TANC2: variants seen among roughly 807,000 people sequenced by gnomAD.
TANC2 encodes the protein protein TANC2.
TANC2 carries 26 observed loss-of-function variants against 210.5 expected under a neutral mutation model. The ratio of observed to expected loss-of-function variants is 0.12; its 90% CI spans 0.09 to 0.17. TANC2 has a LOEUF of 0.17. Among genes scored for constraint, TANC2 ranks in the 10% least tolerant of loss-of-function variants. The pLI is 1.00. For synonymous variants in TANC2, 931 were observed against 967.1 expected (o/e 0.96, Z 0.69); for missense variants, 2,129 against 2,608.9 (o/e 0.82, Z 4.01).
intron 2 of TANC2, among the ~76,000 whole-genome samples, chr17:63,068,979 A>T (rs991311152): frequency 3.3e-5 from 5 of 152,090 alleles, no homozygotes; most frequent in Admixed American, 1.3e-4. Context: ...TTGGGGAGGG[A>T]TGGAAGAAGG....
At chr17:63,220,723 T>C (rs200710983) in intron 7 of TANC2, among the ~76,000 whole-genome samples, 1 of 138,078 alleles carries the variant, frequency 7.2e-6, no homozygotes, top group African/African-American at 2.9e-5. Context: ...AAAAAAAATA[T>C]ATATATATAT....
At chr17:63,236,246 T>C (rs1194591275) in intron 7 of TANC2, among the ~76,000 whole-genome samples, 1 of 152,080 alleles carries the variant, frequency 6.6e-6, no homozygotes, top group Non-Finnish European at 1.5e-5. Context: ...ATTCTGAAAA[T>C]TTTACCACTA....
chr17:63,287,720 A>C (rs1214847875), intron 9 of TANC2, among the ~76,000 whole-genome samples: 1 of 151,190 alleles, frequency 6.6e-6, no homozygotes, highest in Non-Finnish European at 1.5e-5. Context: ...CTGTCACCCA[A>C]GCTAGAGTGC....
intron 9 of TANC2, among the ~76,000 whole-genome samples, chr17:63,309,388 G>A (rs1254890342): frequency 2.6e-5 from 4 of 151,956 alleles, no homozygotes; most frequent in East Asian, 1.9e-4. Flanking sequence ...CCAAAAAACC[G>A]TATTTTTTTC....
chr17:63,303,763 G>C (rs536626094), intron 9 of TANC2, among the ~76,000 whole-genome samples: 55 of 151,736 alleles, frequency 3.6e-4, no homozygotes, highest in Non-Finnish European at 4.9e-4. Context: ...TTTTTACATA[G>C]TCCCATATTT....
At chr17:63,175,830 A>T (rs529649106) in intron 5 of TANC2, among the ~76,000 whole-genome samples, 59 of 152,096 alleles carry the variant, frequency 3.9e-4, no homozygotes, top group Admixed American at 9.8e-4. Flanking sequence ...AGACAACTGA[A>T]TTTTTTTTGG....
chr17:63,001,557 C>A (rs1364486103), intron 1 of TANC2, among the ~76,000 whole-genome samples: 2 of 112,928 alleles, frequency 1.8e-5, no homozygotes, highest in African/African-American at 6.4e-5. Flanking sequence ...TTCTTTCTTT[C>A]TTTTTTTTTT....
intron 5 of TANC2, among the ~76,000 whole-genome samples, chr17:63,189,677 A>C (rs373099429): frequency 6.6e-6 from 1 of 152,162 alleles, no homozygotes; most frequent in Admixed American, 6.5e-5. Flanking sequence ...CACATGATTC[A>C]CATATATTTT....
At chr17:63,146,022 C>T (rs1181203284) in intron 4 of TANC2, among the ~76,000 whole-genome samples, 2 of 151,962 alleles carry the variant, frequency 1.3e-5, no homozygotes, top group Non-Finnish European at 2.9e-5. Context: ...TAATATTGTC[C>T]CCCAGTCCAT....
intron 11 of TANC2, among the ~76,000 whole-genome samples, chr17:63,330,368 A>G (rs543828101): frequency 2.0e-5 from 3 of 152,362 alleles, no homozygotes; most frequent in African/African-American, 7.2e-5. Context: ...AAGTGGCTAC[A>G]CTTAAACCAT....
exon 28 of TANC2, chr17:63,424,977 G>A (rs1379813057): frequency 3.3e-5 from 5 of 152,180 alleles, no homozygotes; most frequent in Non-Finnish European, 7.4e-5. Flanking sequence ...CCTGAGACAC[G>A]GTTACTTTAT....
At chr17:63,230,581 G>A (rs2042448728) in intron 7 of TANC2, among the ~76,000 whole-genome samples, 1 of 152,144 alleles carries the variant, frequency 6.6e-6, no homozygotes, top group African/African-American at 2.4e-5. Flanking sequence ...TTTCCATGTA[G>A]TTGTGTGGTT....
At chr17:63,047,795 A>C (rs1216101842) in intron 2 of TANC2, among the ~76,000 whole-genome samples, 1 of 152,224 alleles carries the variant, frequency 6.6e-6, no homozygotes, top group Non-Finnish European at 1.5e-5. Flanking sequence ...ATTTGTTAAC[A>C]ATAAAAAAAG....
At chr17:63,104,303 A>G (rs973843497) in intron 4 of TANC2, among the ~76,000 whole-genome samples, 3 of 152,154 alleles carry the variant, frequency 2.0e-5, no homozygotes, top group Admixed American at 1.3e-4. Flanking sequence ...GATCCTCAGC[A>G]TAGATAGATG....
chr17:63,026,168 T>C (rs1490846798), intron 2 of TANC2, among the ~76,000 whole-genome samples: 2 of 152,258 alleles, frequency 1.3e-5, no homozygotes, highest in Non-Finnish European at 1.5e-5. Flanking sequence ...TATTTTGTCC[T>C]CCCTTTTAAA....
intron 21 of TANC2, among the ~76,000 whole-genome samples, chr17:63,410,860 C>CA (rs34268418): frequency 0.023 from 907 of 39,018 alleles, 130 homozygotes; most frequent in East Asian, 0.043. Context: ...GACTCCATCT[C>CA]AAAAAAAAAA....
At chr17:63,336,131 A>C (rs2046019173) in intron 11 of TANC2, among the ~76,000 whole-genome samples, 1 of 152,196 alleles carries the variant, frequency 6.6e-6, no homozygotes. Flanking sequence ...ACCAAGTCCC[A>C]AAAATATTAA....
At chr17:63,018,680 G>C (rs1476945862) in intron 2 of TANC2, among the ~76,000 whole-genome samples, 1 of 152,088 alleles carries the variant, frequency 6.6e-6, no homozygotes, top group Admixed American at 6.5e-5. Context: ...GGATTCCTTG[G>C]TTTGCCTTTT....
chr17:63,334,675 ATATT>A (rs1171076883), intron 11 of TANC2, among the ~76,000 whole-genome samples: 1 of 152,216 alleles, frequency 6.6e-6, no homozygotes, highest in Non-Finnish European at 1.5e-5. Flanking sequence ...CTCCCTTAAG[ATATT>A]TATTAACTAC....
Sources: allele counts gnomAD v4.1 joint callset (sites outside exome capture counted in the v4.1 genomes callset), GRCh38; gene constraint gnomAD v4.1.1; transcripts MANE v1.5; gene names NCBI Gene and HGNC (gene_info 2026-07-23, HGNC 2026-07-21).